Variants in PDLIM1 observed in about 807,000 individuals in gnomAD.
PDLIM1 encodes PDZ and LIM domain protein 1.
Under a neutral mutation model 35.2 loss-of-function variants are expected in PDLIM1, and 25 were observed. That is an observed-to-expected ratio of 0.71 (90% CI 0.52 to 0.99). PDLIM1 has a LOEUF of 0.99. PDLIM1 is among the 50% of genes least tolerant of loss of function. The pLI, the probability that PDLIM1 is intolerant of heterozygous loss-of-function variation, is 0.00. For synonymous variants in PDLIM1, 152 were observed against 154.0 expected, an observed-to-expected ratio of 0.99 and a Z score of 0.10; for missense variants, 363 against 415.3, an observed-to-expected ratio of 0.87 and a Z score of 1.09.
At chr10:95,270,508 C>T (rs1383622875) in intron 2 of PDLIM1, among the ~76,000 whole-genome samples, 3 of 152,182 alleles carry the variant, frequency 2.0e-5, no homozygotes, top group South Asian at 2.1e-4. Flanking sequence ...AAATCACTTC[C>T]GAAATCCTGC....
chr10:95,290,400 C>T lies in PDLIM1; in HGVS notation c.96+420G>A, dbSNP rs1201855423. On this transcript the variant is annotated intron_variant, in intron 1 of 6. Transcript: ENST00000329399. This position sits in a 1 kb window ranked among gnomAD's most constrained non-coding sequence, Gnocchi z 4.7. ...CACCCCAGTAAACTTCCCACCCACCCCACCTCACTTTCCAGGTCTTTCCTG... is the reference window on the plus strand; with the variant it reads ...CACCCCAGTAAACTTCCCACCCACCTCACCTCACTTTCCAGGTCTTTCCTG... Among the ~76,000 whole-genome samples, 1 of 151,842 alleles carries T rather than the reference C, an allele frequency of 6.6e-6. No homozygotes were observed. The highest frequency in any genetic ancestry group is 1.5e-5 in the Non-Finnish European group (1 of 67,924).
At chr10:95,259,896 G>A (rs2035346486) in intron 4 of PDLIM1, among the ~76,000 whole-genome samples, 1 of 152,194 alleles carries the variant, frequency 6.6e-6, no homozygotes, top group Non-Finnish European at 1.5e-5. Flanking sequence ...ATTCCTTGAA[G>A]AGAACACCAC....
intron 4 of PDLIM1, among the ~76,000 whole-genome samples, chr10:95,259,457 C>T (rs1433978418): frequency 2.0e-5 from 3 of 152,100 alleles, no homozygotes; most frequent in Non-Finnish European, 4.4e-5. Flanking sequence ...CACCCAAAAA[C>T]GCCATTCTGG....
chr10:95,245,656 G>A (rs1022241515), intron 5 of PDLIM1, among the ~76,000 whole-genome samples: 2 of 152,174 alleles, frequency 1.3e-5, no homozygotes, highest in African/African-American at 4.8e-5. Flanking sequence ...AACTTGATAC[G>A]AAGTATGGCT....
At chr10:95,257,191 C>T (rs1451424054) in intron 4 of PDLIM1, among the ~76,000 whole-genome samples, 1 of 151,604 alleles carries the variant, frequency 6.6e-6, no homozygotes, top group African/African-American at 2.4e-5. Context: ...CCCAGAAGTT[C>T]GAGACCAGCC....
intron 1 of PDLIM1, among the ~76,000 whole-genome samples, chr10:95,289,390 G>C (rs545134222): frequency 2.0e-5 from 3 of 152,352 alleles, no homozygotes; most frequent in African/African-American, 7.2e-5. Context: ...CTGGTGGCTG[G>C]AAAGGCAGTG....
intron 4 of PDLIM1, among the ~76,000 whole-genome samples, chr10:95,249,455 A>G (rs2035250321): frequency 6.6e-6 from 1 of 152,238 alleles, no homozygotes; most frequent in South Asian, 2.1e-4. Flanking sequence ...ATAAAGCTAT[A>G]AAGTCTCCAG....
chr10:95,289,698 C>T (rs534674309), intron 1 of PDLIM1, among the ~76,000 whole-genome samples: 2 of 152,312 alleles, frequency 1.3e-5, no homozygotes, highest in East Asian at 3.9e-4. Flanking sequence ...TCCCCCAACC[C>T]CAAGTGAAAA....
At position 95,268,835 on chromosome 10, in the gene PDLIM1, C is replaced by T. The variant is rs1363817364; in HGVS notation, c.276G>A (p.Leu92=). 1 of 1,612,122 alleles carries T rather than the reference C, an allele frequency of 6.2e-7. No individual in the cohort carries two copies. The highest frequency in any genetic ancestry group is 8.5e-7 in the Non-Finnish European group (1 of 1,178,250). ...ARSEHKVWSP[L]VTEEGKRHPY... ...GATGACGCTTCCCTTCCTCCGTCAC[C>T]AGAGGAGACCAGACTTTATGTTCAG... Residue 92 remains leucine (L), a synonymous_variant, in exon 3 of 7, where the codon CTG becomes CTA. Transcript: ENST00000329399.
intron 4 of PDLIM1, among the ~76,000 whole-genome samples, chr10:95,250,988 A>C (rs1346079516): frequency 6.6e-6 from 1 of 152,232 alleles, no homozygotes; most frequent in Admixed American, 6.5e-5. Context: ...AGTGGTCTTT[A>C]GAACATAAGC....
At chr10:95,246,614 G>C (rs1847275780) in intron 5 of PDLIM1, among the ~76,000 whole-genome samples, 1 of 152,142 alleles carries the variant, frequency 6.6e-6, no homozygotes, top group South Asian at 2.1e-4. Flanking sequence ...AATCTTAGAG[G>C]AAAGGAGTTT....
intron 4 of PDLIM1, among the ~76,000 whole-genome samples, chr10:95,250,642 T>C (rs1466169921): frequency 6.6e-6 from 1 of 152,216 alleles, no homozygotes; most frequent in Admixed American, 6.5e-5. Flanking sequence ...ATTACAGTGA[T>C]ATGGCTTCAG....
intron 1 of PDLIM1, among the ~76,000 whole-genome samples, chr10:95,279,602 C>T (rs539866233): frequency 3.3e-5 from 5 of 152,292 alleles, no homozygotes; most frequent in Admixed American, 6.5e-5. Context: ...TCAACCAACA[C>T]GCTGAGCTCT....
At position 95,290,590 on chromosome 10, in the gene PDLIM1, G is replaced by A. The variant is rs1017347120; in HGVS notation, c.96+230C>T. Among the ~76,000 whole-genome samples, 7 of 152,056 alleles carry A rather than the reference G, an allele frequency of 4.6e-5. No homozygotes were observed. Among genetic ancestry groups the A allele is most frequent in the Non-Finnish European group, 1.0e-4 (7 of 67,982 alleles). On this transcript the variant is annotated intron_variant, in intron 1 of 6. Transcript: ENST00000329399. The surrounding 1 kb of genome is among the most constrained non-coding windows in gnomAD (Gnocchi z 4.7). ...GAAAACTGCCTTCTTTTTTTCTGGC[G>A]GACACGGAGCGCGCCCGCGGCGGGC...
intron 3 of PDLIM1, among the ~76,000 whole-genome samples, chr10:95,264,349 G>A (rs2035394267): frequency 6.6e-6 from 1 of 152,168 alleles, no homozygotes; most frequent in South Asian, 2.1e-4. Context: ...GCACCCTCGG[G>A]CAGGACAGCC....
intron 3 of PDLIM1, among the ~76,000 whole-genome samples, chr10:95,267,938 T>C (rs1189048194): frequency 6.6e-6 from 1 of 152,222 alleles, no homozygotes; most frequent in Non-Finnish European, 1.5e-5. Context: ...TCATTACTAA[T>C]TCATTAATGT....
rs2035230985 is a variant in PDLIM1 at position 95,247,395 on chromosome 10, G to C, written c.534-29C>G. ...TAAAGAATGTTTGAAAAATTGATTA[G>C]GACATGACAGAAGTTAAAAATAACT... is the stretch of plus-strand genomic sequence containing the variant. On this transcript the variant is annotated intron_variant, in intron 4 of 6. Transcript: ENST00000329399. The C allele has an allele frequency of 2.5e-6, 4 of 1,582,756 alleles. No homozygotes were observed. In the African/African-American group the frequency reaches 4.1e-5, roughly 16 times the overall value.
chr10:95,282,085 C>A, intron 1 of PDLIM1, among the ~76,000 whole-genome samples: 1 of 152,184 alleles, frequency 6.6e-6, no homozygotes, highest in Non-Finnish European at 1.5e-5. Context: ...TAATTATATA[C>A]AACTGGGATA....
At chr10:95,240,655 T>C (rs1296708534) in intron 5 of PDLIM1, among the ~76,000 whole-genome samples, 1 of 152,196 alleles carries the variant, frequency 6.6e-6, no homozygotes, top group East Asian at 1.9e-4. Context: ...ACTTAAATGT[T>C]GGAAATTTAA....
Sources: gnomAD v4.1 joint callset for allele counts (sites outside exome capture counted in the v4.1 genomes callset) on GRCh38, gnomAD v4.1.1 for gene constraint, Gnocchi (gnomAD v3.1) non-coding constraint, MANE v1.5 for transcripts, NCBI Gene and HGNC (gene_info 2026-07-23, HGNC 2026-07-21) for gene names.